Variants in RHBDD1 observed in about 807,000 individuals in gnomAD.
RHBDD1 encodes the protein rhomboid domain containing 1.
Under a neutral mutation model 36.3 loss-of-function variants are expected in RHBDD1, and 38 were observed. The observed-to-expected ratio is 1.05, with a 90% confidence interval of 0.81 to 1.37. The LOEUF (loss-of-function observed/expected upper bound fraction) is 1.37. Ranked by LOEUF, RHBDD1 falls within the 40% of genes most tolerant of loss-of-function variation. The pLI is 0.00. For missense variants in RHBDD1, 393 were observed against 377.6 expected (o/e 1.04, Z -0.34); for synonymous variants, 151 against 136.5 (o/e 1.11, Z -0.74).
At chr2:226,930,009 A>G (rs999503782) in intron 8 of RHBDD1, among the ~76,000 whole-genome samples, 6 of 152,098 alleles carry the variant, frequency 3.9e-5, no homozygotes, top group African/African-American at 1.4e-4. Flanking sequence ...TAAATCATAG[A>G]TGATACAAAC....
chr2:226,883,395 G>T (rs1328732069), intron 5 of RHBDD1, among the ~76,000 whole-genome samples: 4 of 152,234 alleles, frequency 2.6e-5, no homozygotes, highest in Admixed American at 6.5e-5. Flanking sequence ...ACCAACCAGA[G>T]GGGGCCAGCC....
intron 3 of RHBDD1, among the ~76,000 whole-genome samples, chr2:226,842,641 C>A (rs879681127): frequency 1.3e-5 from 2 of 152,148 alleles, no homozygotes; most frequent in Non-Finnish European, 2.9e-5. Flanking sequence ...TTCCATCTGT[C>A]TATGTATCTG....
chr2:226,872,087 A>G (rs1466376588), intron 5 of RHBDD1, among the ~76,000 whole-genome samples: 1 of 152,242 alleles, frequency 6.6e-6, no homozygotes, highest in Admixed American at 6.5e-5. Flanking sequence ...AGATTAATCC[A>G]GAGTTGGGGG....
intron 8 of RHBDD1, among the ~76,000 whole-genome samples, chr2:226,928,981 TAAC>T (rs1340718846): frequency 4.0e-5 from 6 of 151,884 alleles, no homozygotes; most frequent in Non-Finnish European, 5.9e-5. Flanking sequence ...AACAGACCAA[TAAC>T]AACCAGTGAG....
the RHBDD1 span, among the ~76,000 whole-genome samples, chr2:226,803,756 T>C: frequency 2.0e-5 from 3 of 152,346 alleles, no homozygotes; most frequent in South Asian, 6.2e-4. Flanking sequence ...TGTTTTCTCA[T>C]GTAATTAAAA....
intron 5 of RHBDD1, among the ~76,000 whole-genome samples, chr2:226,897,306 G>A (rs534448747): frequency 8.3e-6 from 1 of 120,544 alleles, no homozygotes; most frequent in Non-Finnish European, 1.7e-5. Context: ...TTTGAGGTGT[G>A]TGTGTCTGTC....
At chr2:226,893,865 C>T (rs1185169027) in intron 5 of RHBDD1, among the ~76,000 whole-genome samples, 1 of 152,136 alleles carries the variant, frequency 6.6e-6, no homozygotes, top group African/African-American at 2.4e-5. Context: ...ACTACTGACC[C>T]CCAGTCTGTC....
At chr2:226,987,355 G>A (rs1957198166) in intron 8 of RHBDD1, among the ~76,000 whole-genome samples, 1 of 152,146 alleles carries the variant, frequency 6.6e-6, no homozygotes, top group South Asian at 2.1e-4. Flanking sequence ...AAAAAAATTG[G>A]GATGGGAGGA....
chr2:226,818,245 C>T, the RHBDD1 span, among the ~76,000 whole-genome samples: 12 of 149,772 alleles, frequency 8.0e-5, no homozygotes, highest in African/African-American at 2.2e-4. Flanking sequence ...CTGCAACCTC[C>T]GCCTCCCATG....
intron 7 of RHBDD1, among the ~76,000 whole-genome samples, chr2:226,913,560 G>A (rs1948672786): frequency 6.6e-6 from 1 of 152,162 alleles, no homozygotes; most frequent in African/African-American, 2.4e-5. Context: ...CCTAAGTTTG[G>A]TACCTAAAGC....
chr2:226,861,933 T>C (rs1475790326), intron 3 of RHBDD1, among the ~76,000 whole-genome samples: 3 of 152,176 alleles, frequency 2.0e-5, no homozygotes, highest in Admixed American at 2.0e-4. Flanking sequence ...AATAACAATA[T>C]AGAAACGGGT....
chr2:226,971,009 G>A (rs1953374486), intron 8 of RHBDD1, among the ~76,000 whole-genome samples: 1 of 152,188 alleles, frequency 6.6e-6, no homozygotes, highest in Non-Finnish European at 1.5e-5. Context: ...TGTGAGTTGA[G>A]TTATAAATAG....
chr2:226,988,394 G>C, intron 8 of RHBDD1: 1 of 1,550,508 alleles, frequency 6.4e-7, no homozygotes. Context: ...GGTCAGAACA[G>C]ACAAAGGACC....
chr2:226,972,294 T>C (rs1244988385), intron 8 of RHBDD1, among the ~76,000 whole-genome samples: 1 of 152,176 alleles, frequency 6.6e-6, no homozygotes, highest in East Asian at 1.9e-4. Context: ...TTCCATGGTG[T>C]ATATGTGCCA....
upstream of RHBDD1, among the ~76,000 whole-genome samples, chr2:226,834,491 T>C (rs1940820856): frequency 6.6e-6 from 1 of 152,084 alleles, no homozygotes; most frequent in African/African-American, 2.4e-5. Flanking sequence ...GCTAAGAATC[T>C]TCTTTGTCAC....
At chr2:226,959,458 CT>C (rs769358391) in intron 8 of RHBDD1, among the ~76,000 whole-genome samples, 8 of 152,212 alleles carry the variant, frequency 5.3e-5, no homozygotes, top group Non-Finnish European at 1.0e-4. Flanking sequence ...TCTTCTGTCT[CT>C]ATGGTTTAGT....
chr2:226,817,213 T>A, the RHBDD1 span, among the ~76,000 whole-genome samples: 1 of 152,218 alleles, frequency 6.6e-6, no homozygotes, highest in African/African-American at 2.4e-5. Flanking sequence ...GAAGTTATAC[T>A]AATTCTTTGG....
intron 8 of RHBDD1, among the ~76,000 whole-genome samples, chr2:226,930,224 A>G (rs1180019658): frequency 6.6e-6 from 1 of 152,088 alleles, no homozygotes; most frequent in Non-Finnish European, 1.5e-5. Flanking sequence ...AAAAAGAACA[A>G]TCCAGAGGCA....
At position 226,961,163 on chromosome 2, in the gene RHBDD1, G is replaced by T. The variant is rs533689316; in HGVS notation, c.857-34268G>T. Among the ~76,000 whole-genome samples, 3 of 152,294 alleles carry T rather than the reference G, an allele frequency of 2.0e-5. No individual in the cohort carries two copies. The South Asian group carries it at 6.2e-4, about 32-fold the overall frequency. On this transcript the variant is annotated intron_variant, in intron 8 of 8. Coordinates refer to ENST00000392062, the MANE Select transcript of RHBDD1 (RefSeq NM_001167608.3). ...CAACATGGCATGGGCTTTGCTGTCA[G>T]TCAGGTCTGAGTTGGAATCCCAGCT...
Sources: gnomAD v4.1 joint callset for allele counts (sites outside exome capture counted in the v4.1 genomes callset) on GRCh38, gnomAD v4.1.1 for gene constraint, MANE v1.5 for transcripts, NCBI Gene and HGNC (gene_info 2026-07-23, HGNC 2026-07-21) for gene names.